CFL2: variants seen among roughly 807,000 people sequenced by gnomAD.
The protein encoded by CFL2 is cofilin 2, also known as cofilin-2.
In CFL2, 10 loss-of-function variants were observed where a neutral mutation model predicts 19.6. The observed-to-expected ratio is 0.51, with a 90% CI of 0.31 to 0.86. The LOEUF (loss-of-function observed/expected upper bound fraction) is 0.86. CFL2 is among the 40% of genes least tolerant of loss of function. CFL2 has a pLI of 0.04. For synonymous variants in CFL2, 63 were observed against 66.7 expected, an observed-to-expected ratio of 0.95 and a Z score of 0.27; for missense variants, 125 against 192.1, an observed-to-expected ratio of 0.65 and a Z score of 2.06.
In CFL2 at chr14:34,712,514, T is replaced by C. The variant is rs1456958269; in HGVS notation, c.*351A>G. The stretch of plus-strand genomic sequence containing the variant: ...AGTTGACCATCTGACCAGTGGATAA[T>C]ACTTTCAAGGCATTCAATTAGCTTA... On this transcript the variant is annotated 3_prime_UTR_variant, in exon 4 of 4. Coordinates refer to ENST00000298159, the MANE Select transcript of CFL2 (RefSeq NM_138638.5). 1 of 468,448 alleles carries C rather than the reference T, an allele frequency of 2.1e-6. No individual in the cohort carries two copies. The highest frequency in any genetic ancestry group is 4.2e-6 in the Non-Finnish European group (1 of 236,522). The allele number at this position is 468,448 out of a possible 1,614,324, so 29.0% of individuals were successfully genotyped here.
chr14:34,712,351 A>G lies in CFL2; in HGVS notation c.*514T>C, dbSNP rs1176123435. 7.0e-5 allele frequency: 32 copies of G among 454,520 alleles called. No individual in the cohort carries two copies. The Admixed American group carries it at 7.5e-4, about 11-fold the overall frequency. 28.2% of individuals were successfully genotyped at this position (454,520 alleles called of 1,614,324 possible). ...CCTTTTAGGATATTAAACTTATTAC[A>G]AAAAGTGCTTTTAATGCATAGTGTT... On this transcript the variant is annotated 3_prime_UTR_variant, in exon 4 of 4. Transcript: ENST00000298159.
chr14:34,713,859 G>A, intron 1 of CFL2: 1 of 1,508,948 alleles, frequency 6.6e-7, no homozygotes, highest in South Asian at 1.3e-5. Context: ...CAGAGCTTCA[G>A]GAGTGGCAGC....
chr14:34,711,729 CA>C lies in CFL2; in HGVS notation c.*1135del, dbSNP rs763188359. The C allele has an allele frequency of 2.3e-5, 10 of 441,100 alleles. No homozygotes were observed. The highest frequency in any genetic ancestry group is 7.3e-4 in the Middle Eastern group (1 of 1,374). The allele number at this position is 441,100 out of a possible 1,614,324, so 27.3% of individuals were successfully genotyped here. On this transcript the variant is annotated 3_prime_UTR_variant, in exon 4 of 4. Transcript: ENST00000298159. ...ATTGAAAAGTATTTATGCCAAAGTG[CA>C]AAAAATAATTTCTGATCTTCATATT...
intron 1 of CFL2, 60 bp from the exon 2 acceptor site, chr14:34,713,621 T>C: frequency 6.2e-7 from 1 of 1,614,024 alleles, no homozygotes; most frequent in South Asian, 1.1e-5. Flanking sequence ...CCAAAATTAC[T>C]GTTTGCCTAG....
At chr14:34,714,026 G>C (rs1885410258) in intron 1 of CFL2, among the ~76,000 whole-genome samples, 1 of 152,096 alleles carries the variant, frequency 6.6e-6, no homozygotes. Flanking sequence ...AACCGCCCAC[G>C]GCCCACACAC....
rs900665678 is a variant in CFL2 at position 34,712,531 on chromosome 14, A to G, written c.*334T>C. 6 of 479,186 alleles carry G rather than the reference A, an allele frequency of 1.3e-5. No homozygotes were observed. Among genetic ancestry groups the G allele is most frequent in the African/African-American group, 7.8e-5 (4 of 51,158 alleles). 29.7% of individuals were successfully genotyped at this position (479,186 alleles called of 1,614,324 possible). A position where few individuals can be genotyped will look rare whatever the true frequency, so the allele number is the denominator to read the frequency against. On this transcript the variant is annotated 3_prime_UTR_variant, in exon 4 of 4. Transcript: ENST00000298159. ...GTGGATAATACTTTCAAGGCATTCA[A>G]TTAGCTTATCCTTTGCAGTATTCTA...
In CFL2 at chr14:34,709,501, T is replaced by C. The variant is rs1885213673; in HGVS notation, c.*3364A>G. 1 of 151,050 alleles carries C rather than the reference T, an allele frequency of 6.6e-6. No homozygotes were observed. The highest frequency in any genetic ancestry group is 2.4e-5 in the African/African-American group (1 of 40,996). The allele number at this position is 151,050 out of a possible 1,614,324, so 9.4% of individuals were successfully genotyped here. On this transcript the variant is annotated 3_prime_UTR_variant, in exon 4 of 4. Coordinates refer to ENST00000298159, the MANE Select transcript of CFL2 (RefSeq NM_138638.5). ...AAAAGCAGTATTTGAGCTTTTGAAG[T>C]GGTGGCTCATGCATGCAATCCTAGC...
At position 34,711,042 on chromosome 14, in the gene CFL2, A is replaced by G; in HGVS notation, c.*1823T>C. 1 of 454,138 alleles carries G rather than the reference A, an allele frequency of 2.2e-6. No individual in the cohort carries two copies. The highest frequency in any genetic ancestry group is 1.6e-5 in the South Asian group (1 of 64,480). 28.1% of individuals were successfully genotyped at this position (454,138 alleles called of 1,614,324 possible). ...CTGAAATAAAATTGCTCAGTGCAAA[A>G]AGATCCCAAACCATTCATATAATTT... is the stretch of plus-strand genomic sequence containing the variant. On this transcript the variant is annotated 3_prime_UTR_variant, in exon 4 of 4. Coordinates refer to ENST00000298159, the MANE Select transcript of CFL2 (RefSeq NM_138638.5).
In CFL2 at chr14:34,711,870, A is replaced by G. The variant is rs749572493; in HGVS notation, c.*995T>C. On this transcript the variant is annotated 3_prime_UTR_variant, in exon 4 of 4. Transcript: ENST00000298159. ...TTTTTAAACCAAATAGATCCAACAA[A>G]TCTGGAAAATATCACACATGAATGC... is the stretch of plus-strand genomic sequence containing the variant. The G allele has an allele frequency of 2.0e-4, 90 of 454,290 alleles. No homozygotes were observed. Among genetic ancestry groups the G allele is most frequent in the Non-Finnish European group, 2.8e-4 (63 of 226,754 alleles). The allele number at this position is 454,290 out of a possible 1,614,324, so 28.1% of individuals were successfully genotyped here.
rs1285381547 is a variant in CFL2 at position 34,709,247 on chromosome 14, A to C, written c.*3618T>G. Reference sequence around the variant, plus strand: ...ACCATTTCCATATTTAGTACTCAGGAAACATGGTAAACAGATATTACCGTT... The same window carrying C: ...ACCATTTCCATATTTAGTACTCAGGCAACATGGTAAACAGATATTACCGTT... On this transcript the variant is annotated 3_prime_UTR_variant, in exon 4 of 4. Transcript: ENST00000298159. 1 of 152,152 alleles carries C rather than the reference A, an allele frequency of 6.6e-6. No individual in the cohort carries two copies. The highest frequency in any genetic ancestry group is 1.5e-5 in the Non-Finnish European group (1 of 68,016). 9.4% of individuals were successfully genotyped at this position (152,152 alleles called of 1,614,324 possible).
At position 34,712,599 on chromosome 14, in the gene CFL2, C is replaced by T. The variant is rs1019254215; in HGVS notation, c.*266G>A. 2 of 590,052 alleles carry T rather than the reference C, an allele frequency of 3.4e-6. No individual in the cohort carries two copies. Among genetic ancestry groups the T allele is most frequent in the African/African-American group, 1.8e-5 (1 of 54,726 alleles). 36.6% of individuals were successfully genotyped at this position (590,052 alleles called of 1,614,324 possible). On this transcript the variant is annotated 3_prime_UTR_variant, in exon 4 of 4. Coordinates refer to ENST00000298159, the MANE Select transcript of CFL2 (RefSeq NM_138638.5). ...ATCACATACATTGTAGTGCTTGCTG[C>T]AAGGGAGGCATATAACCAGTTGTTT...
chr14:34,711,969 A>G lies in CFL2; in HGVS notation c.*896T>C, dbSNP rs1182311260. 6.6e-6 allele frequency: 3 copies of G among 454,384 alleles called. No homozygotes were observed. The highest frequency in any genetic ancestry group is 6.8e-4 in the Middle Eastern group (1 of 1,466). 28.1% of individuals were successfully genotyped at this position (454,384 alleles called of 1,614,324 possible). On this transcript the variant is annotated 3_prime_UTR_variant, in exon 4 of 4. Transcript: ENST00000298159. ...GTTTTTACCCTAGAAGTTGTTTCAC[A>G]TAACATTTTGCAAAATTTCCAAGGA...
At chr14:34,713,202 T>C (rs1319688974) in intron 2 of CFL2, 52 bp downstream of exon 2, 1 of 293,432 alleles carries the variant, frequency 3.4e-6, no homozygotes, top group African/African-American at 2.6e-5. Context: ...CTGACTATGA[T>C]AATAATAATC....
Position 34,712,264 on chromosome 14 carries a change from G to A in CFL2, c.*601C>T, listed in dbSNP as rs1429708532. 3 of 454,400 alleles carry A rather than the reference G, an allele frequency of 6.6e-6. No individual in the cohort carries two copies. The highest frequency in any genetic ancestry group is 2.0e-5 in the African/African-American group (1 of 49,992). 28.1% of individuals were successfully genotyped at this position (454,400 alleles called of 1,614,324 possible). On this transcript the variant is annotated 3_prime_UTR_variant, in exon 4 of 4. Transcript: ENST00000298159. ...CTTTTAAGAAGATATGCAGGTAACA[G>A]GAATGAACACTGAGGTACTAGGATA...
At position 34,711,835 on chromosome 14, in the gene CFL2, GATAGA is replaced by G. The variant is rs1885306607; in HGVS notation, c.*1025_*1029del. On this transcript the variant is annotated 3_prime_UTR_variant, in exon 4 of 4. Coordinates refer to ENST00000298159, the MANE Select transcript of CFL2 (RefSeq NM_138638.5). ...GGTATTTTATATTAGTTGGCCTTAA[GATAGA>G]ATACTTTTTAAACCAAATAGATCCA... 2 of 453,878 alleles carry G rather than the reference GATAGA, an allele frequency of 4.4e-6. No individual in the cohort carries two copies. Among genetic ancestry groups the G allele is most frequent in the Non-Finnish European group, 4.4e-6 (1 of 226,682 alleles). The allele number at this position is 453,878 out of a possible 1,614,324, so 28.1% of individuals were successfully genotyped here. A position where few individuals can be genotyped will look rare whatever the true frequency, so the allele number is the denominator to read the frequency against.
intron 1 of CFL2, chr14:34,713,951 T>A: frequency 1.2e-6 from 1 of 808,014 alleles, no homozygotes; most frequent in Non-Finnish European, 1.9e-6. Context: ...TACTATTTTT[T>A]TCTTTAAAGT....
Position 34,711,317 on chromosome 14 carries a change from C to T in CFL2, c.*1548G>A. ...CCAGTAGAATCAAGTCCAGTTTTGC[C>T]ATTTGTGGATAACTATGACAAGATA... is the stretch of plus-strand genomic sequence containing the variant. On this transcript the variant is annotated 3_prime_UTR_variant, in exon 4 of 4. Transcript: ENST00000298159. 2.2e-6 allele frequency: 1 copy of T among 454,458 alleles called. No homozygotes were observed. The highest frequency in any genetic ancestry group is 4.4e-6 in the Non-Finnish European group (1 of 226,786). 28.2% of individuals were successfully genotyped at this position (454,458 alleles called of 1,614,324 possible).
Position 34,710,416 on chromosome 14 carries a change from G to A in CFL2, c.*2449C>T. The stretch of plus-strand genomic sequence containing the variant: ...GTTTTTAAACTTTTAATGTTCTGAA[G>A]TATAAGTAAACACATCTCAACAGCT... On this transcript the variant is annotated 3_prime_UTR_variant, in exon 4 of 4. Transcript: ENST00000298159. The A allele has an allele frequency of 2.8e-6, 1 of 363,298 alleles. No homozygotes were observed. Among genetic ancestry groups the A allele is most frequent in the South Asian group, 2.1e-5 (1 of 46,846 alleles). The allele number at this position is 363,298 out of a possible 1,614,324, so 22.5% of individuals were successfully genotyped here.
chr14:34,713,851 G>C (rs988431890), intron 1 of CFL2: 43 of 1,520,520 alleles, frequency 2.8e-5, no homozygotes, highest in Non-Finnish European at 3.6e-5. Context: ...GGTGATGTCA[G>C]AGCTTCAGGA....
Sources: allele counts gnomAD v4.1 joint callset (sites outside exome capture counted in the v4.1 genomes callset), GRCh38; gene constraint gnomAD v4.1.1; transcripts MANE v1.5; gene names NCBI Gene and HGNC (gene_info 2026-07-23, HGNC 2026-07-21).